The following DENND1A variants were observed in gnomAD, a reference collection of about 807,000 sequenced individuals.
DENND1A encodes the protein DENN domain-containing protein 1A.
In DENND1A, 51 loss-of-function variants were observed where a neutral mutation model predicts 113.7. The ratio of observed to expected loss-of-function variants is 0.45; its 90% CI spans 0.36 to 0.57. The LOEUF is 0.57. Among genes scored for constraint, DENND1A ranks in the 20% least tolerant of loss-of-function variants. The pLI is 0.00. For synonymous variants in DENND1A, 565 were observed against 570.8 expected, an observed-to-expected ratio of 0.99 and a Z score of 0.14; for missense variants, 1,258 against 1,395.9, an observed-to-expected ratio of 0.90 and a Z score of 1.57.
intron 3 of DENND1A, among the ~76,000 whole-genome samples, chr9:123,785,795 C>T (rs1454182430): frequency 6.6e-6 from 1 of 152,172 alleles, no homozygotes; most frequent in Non-Finnish European, 1.5e-5. Context: ...AGAGTTTATA[C>T]CTGCAGATGA....
At chr9:123,831,661 T>G (rs540920501) in intron 2 of DENND1A, among the ~76,000 whole-genome samples, 28 of 152,184 alleles carry the variant, frequency 1.8e-4, no homozygotes, top group African/African-American at 5.8e-4. Context: ...TGTGGAAAAG[T>G]AGAGAAAGGA....
At chr9:123,774,869 A>C (rs1449149065) in intron 3 of DENND1A, among the ~76,000 whole-genome samples, 1 of 152,126 alleles carries the variant, frequency 6.6e-6, no homozygotes, top group Non-Finnish European at 1.5e-5. Flanking sequence ...CTGTGTATCT[A>C]AATTATCAAG....
Position 123,609,072 on chromosome 9 carries a change from T to C in DENND1A, c.765+364A>G, listed in dbSNP as rs946940750. 8.5e-5 allele frequency among the ~76,000 whole-genome samples: 13 copies of C among 152,232 alleles called. 1 individual carries two copies. The highest frequency in any genetic ancestry group is 7.9e-4 in the Admixed American group (12 of 15,286). On this transcript the variant is annotated intron_variant, in intron 11 of 23. Coordinates refer to ENST00000394215, the MANE Select transcript of DENND1A (RefSeq NM_001352964.2). ...CCTTCTTCATGATTCTATATACATTTTATATCACATTTACTACAATGAAGA... is the reference window on the plus strand; with the variant it reads ...CCTTCTTCATGATTCTATATACATTCTATATCACATTTACTACAATGAAGA...
At chr9:123,627,479 C>A (rs576802934) in intron 10 of DENND1A, among the ~76,000 whole-genome samples, 1 of 152,332 alleles carries the variant, frequency 6.6e-6, no homozygotes, top group Admixed American at 6.5e-5. Context: ...CGGTGGCTCA[C>A]GTCTGTAATC....
chr9:123,862,077 A>C (rs1845133834), intron 2 of DENND1A, among the ~76,000 whole-genome samples: 1 of 152,222 alleles, frequency 6.6e-6, no homozygotes, highest in South Asian at 2.1e-4. Flanking sequence ...CCAAGCTCTA[A>C]CGTACTAATT....
intron 5 of DENND1A, among the ~76,000 whole-genome samples, chr9:123,694,727 C>A (rs2065400238): frequency 6.6e-6 from 1 of 152,134 alleles, no homozygotes; most frequent in Non-Finnish European, 1.5e-5. Context: ...CTTAATTAAC[C>A]AGGATTCGAA....
intron 22 of DENND1A, among the ~76,000 whole-genome samples, chr9:123,386,218 A>G (rs922248688): frequency 1.1e-4 from 16 of 152,218 alleles, no homozygotes; most frequent in African/African-American, 3.9e-4. Flanking sequence ...CAACAGAAAT[A>G]ATAACTAATA....
At chr9:123,463,977 A>C in intron 13 of DENND1A, among the ~76,000 whole-genome samples, 1 of 152,074 alleles carries the variant, frequency 6.6e-6, no homozygotes, top group Non-Finnish European at 1.5e-5. Context: ...GCTGGGCTTC[A>C]TACCTAGGTG....
intron 11 of DENND1A, among the ~76,000 whole-genome samples, chr9:123,599,899 C>T (rs796263485): frequency 2.0e-5 from 3 of 152,170 alleles, no homozygotes; most frequent in South Asian, 2.1e-4. Context: ...CACATATCAA[C>T]AACAAATGCC....
intron 19 of DENND1A, chr9:123,414,133 C>T: frequency 2.0e-6 from 2 of 996,992 alleles, no homozygotes; most frequent in Non-Finnish European, 2.4e-6. Context: ...GGAGAGAACC[C>T]CAGTTCTCCC....
At chr9:123,833,305 T>G (rs1320338063) in intron 2 of DENND1A, among the ~76,000 whole-genome samples, 1 of 152,172 alleles carries the variant, frequency 6.6e-6, no homozygotes, top group Non-Finnish European at 1.5e-5. Context: ...ACTGTTAACT[T>G]GTATTTCTGC....
chr9:123,421,239 G>C (rs777979752), intron 19 of DENND1A, among the ~76,000 whole-genome samples: 1 of 151,188 alleles, frequency 6.6e-6, no homozygotes. Context: ...ATCTACATGC[G>C]AGGTCTCTAT....
intron 1 of DENND1A, among the ~76,000 whole-genome samples, chr9:123,892,892 G>A (rs937424346): frequency 6.6e-6 from 1 of 152,176 alleles, no homozygotes; most frequent in African/African-American, 2.4e-5. Flanking sequence ...TGAGGCAGGA[G>A]AATTGCTTGA....
chr9:123,788,673 G>A (rs1304905198), intron 3 of DENND1A, among the ~76,000 whole-genome samples: 1 of 152,008 alleles, frequency 6.6e-6, no homozygotes, highest in Non-Finnish European at 1.5e-5. Flanking sequence ...TTCTAGAAAT[G>A]AAAGAAATAC....
chr9:123,733,454 A>AT (rs1444040207), intron 5 of DENND1A, among the ~76,000 whole-genome samples: 2 of 151,500 alleles, frequency 1.3e-5, no homozygotes, highest in South Asian at 2.1e-4. Context: ...TAATTTTTAT[A>AT]TTTTTTATTT....
chr9:123,742,607 G>T (rs969534795), intron 5 of DENND1A, among the ~76,000 whole-genome samples: 7 of 152,194 alleles, frequency 4.6e-5, no homozygotes, highest in African/African-American at 1.7e-4. Flanking sequence ...CAAAGGGCTT[G>T]AGTGGGGAAG....
At chr9:123,543,203 A>G (rs2056415606) in intron 13 of DENND1A, among the ~76,000 whole-genome samples, 1 of 152,242 alleles carries the variant, frequency 6.6e-6, no homozygotes, top group African/African-American at 2.4e-5. Flanking sequence ...CAGAGCAAGA[A>G]AAATTAACCA....
chr9:123,535,310 G>A (rs778871707), intron 13 of DENND1A, among the ~76,000 whole-genome samples: 3 of 152,210 alleles, frequency 2.0e-5, no homozygotes, highest in Non-Finnish European at 4.4e-5. Context: ...GCTGGGCATG[G>A]TGGTGTGCAT....
intron 13 of DENND1A, among the ~76,000 whole-genome samples, chr9:123,496,811 G>A (rs909916448): frequency 2.6e-4 from 40 of 152,378 alleles, no homozygotes; most frequent in African/African-American, 9.4e-4. Flanking sequence ...ACCGCAGCCT[G>A]TGTGCTGCCG....
Sources: allele counts gnomAD v4.1 joint callset (sites outside exome capture counted in the v4.1 genomes callset), GRCh38; gene constraint gnomAD v4.1.1; transcripts MANE v1.5; gene names NCBI Gene and HGNC (gene_info 2026-07-23, HGNC 2026-07-21).